The following THAP2 variants were observed in gnomAD, a reference collection of about 807,000 sequenced individuals.
The protein encoded by THAP2 is THAP domain-containing protein 2.
Under a neutral mutation model 18.8 loss-of-function variants are expected in THAP2, and 16 were observed. That is an observed-to-expected ratio of 0.85 (90% CI 0.58 to 1.29). THAP2 has a LOEUF of 1.29. Among genes scored for constraint, THAP2 ranks in the 50% most tolerant of loss-of-function variants. The pLI is 0.00. For missense variants in THAP2, 251 were observed against 265.3 expected (o/e 0.95, Z 0.38); for synonymous variants, 80 against 89.2 (o/e 0.90, Z 0.58).
chr12:71,664,880 A>G (rs1400240822), intron 1 of THAP2: 1 of 702,440 alleles, frequency 1.4e-6, no homozygotes, highest in South Asian at 1.5e-5. Flanking sequence ...CCGGGCCTTG[A>G]CATGAATGAC....
At chr12:71,670,053 G>T (rs1359434590) in intron 1 of THAP2, among the ~76,000 whole-genome samples, 1 of 152,112 alleles carries the variant, frequency 6.6e-6, no homozygotes, top group Non-Finnish European at 1.5e-5. Flanking sequence ...TCAGATCAGG[G>T]TACGTATAGG....
At position 71,678,928 on chromosome 12, in the gene THAP2, A is replaced by AT. The variant is rs1881561077; in HGVS notation, c.*1827dup. On this transcript the variant is annotated 3_prime_UTR_variant, in exon 3 of 3. Coordinates refer to ENST00000308086, the MANE Select transcript of THAP2 (RefSeq NM_031435.4). The stretch of plus-strand genomic sequence containing the variant: ...TCCTTGGAATTGTCATTACATATTT[A>AT]TTTTTTTCTAGTATGGTTTCAAATA... 1 of 152,088 alleles carries AT rather than the reference A, an allele frequency of 6.6e-6. No homozygotes were observed. The highest frequency in any genetic ancestry group is 2.1e-4 in the South Asian group (1 of 4,834). The allele number at this position is 152,088 out of a possible 1,614,324, so 9.4% of individuals were successfully genotyped here.
chr12:71,668,397 A>G (rs1370911004), intron 1 of THAP2, among the ~76,000 whole-genome samples: 1 of 152,154 alleles, frequency 6.6e-6, no homozygotes, highest in Non-Finnish European at 1.5e-5. Flanking sequence ...TGGGCTAAGC[A>G]TTTACTGACA....
At chr12:71,669,636 G>A (rs907979980) in intron 1 of THAP2, among the ~76,000 whole-genome samples, 1 of 152,102 alleles carries the variant, frequency 6.6e-6, no homozygotes, top group Admixed American at 6.6e-5. Context: ...ATTAAGAGGT[G>A]AGACTAGGCA....
rs531102396 is a variant in THAP2, at chr12:71,674,680, G to T, written c.267+282G>T. ...AAAACTGAAAAATCATATGAGTAAT[G>T]AAACCTCCAGCATCACTGTGCTCTG... On this transcript the variant is annotated intron_variant, in intron 2 of 2. Transcript: ENST00000308086. Among the ~76,000 whole-genome samples, 53 of 152,136 alleles carry T rather than the reference G, an allele frequency of 3.5e-4. 1 individual carries two copies. Among genetic ancestry groups the T allele is most frequent in the African/African-American group, 1.2e-3 (51 of 41,522 alleles).
chr12:71,676,610 T>C, intron 2 of THAP2, 79 bp from the exon 3 acceptor site: 1 of 1,438,184 alleles, frequency 7.0e-7, no homozygotes, highest in Non-Finnish European at 9.3e-7. Flanking sequence ...TTAAATACTG[T>C]TATCCAAAAC....
At chr12:71,672,904 T>C (rs923067090) in intron 1 of THAP2, among the ~76,000 whole-genome samples, 3 of 152,178 alleles carry the variant, frequency 2.0e-5, no homozygotes, top group African/African-American at 7.2e-5. Context: ...TCTGCCATGA[T>C]ACACAACTTA....
chr12:71,665,091 A>T lies in THAP2; in HGVS notation c.71+511A>T, dbSNP rs1430123549. ...AGCGATGTTAATTAAAGTGCAAAAG[A>T]TAACCTTTCTGTTCTTACTAGAATA... On this transcript the variant is annotated intron_variant, in intron 1 of 2. Transcript: ENST00000308086. The T allele has an allele frequency of 4.6e-6, 3 of 652,404 alleles. No homozygotes were observed. The Admixed American group carries it at 7.2e-5, about 16-fold the overall frequency. The allele number at this position is 652,404 out of a possible 1,614,324, so 40.4% of individuals were successfully genotyped here.
chr12:71,667,269 G>A (rs547357920), intron 1 of THAP2, among the ~76,000 whole-genome samples: 2 of 152,166 alleles, frequency 1.3e-5, no homozygotes, highest in East Asian at 3.9e-4. Context: ...TTTTTGGCCT[G>A]TCTTCAATCT....
chr12:71,664,695 A>T, intron 1 of THAP2, 115 bp downstream of exon 1: 2 of 1,174,100 alleles, frequency 1.7e-6, no homozygotes, highest in Non-Finnish European at 2.5e-6. Context: ...AGCTGGTAGC[A>T]GGGAAGCATC....
Position 71,676,958 on chromosome 12 carries a change from T to G in THAP2, c.537T>G (p.Asn179Lys). ...ATCLVKNLEA[N>K]SVLPKGTSEH... ...GTTTGGTAAAGAATTTAGAAGCAAA[T>G]AGTGTATTACCTAAAGGTACATCAG... The change falls in exon 3 of 3, where the codon AAT becomes AAG. Residue 179 changes from asparagine (N) to lysine (K), a missense_variant. Asn to Lys is a moderately conservative substitution (Grantham distance 94). Transcript: ENST00000308086. 1 of 1,613,732 alleles carries G rather than the reference T, an allele frequency of 6.2e-7. No individual in the cohort carries two copies. The highest frequency in any genetic ancestry group is 8.5e-7 in the Non-Finnish European group (1 of 1,179,712).
In THAP2 at chr12:71,680,208, TG is replaced by T. The variant is rs1325089627; in HGVS notation, c.*3101del. 4 of 152,228 alleles carry T rather than the reference TG, an allele frequency of 2.6e-5. No individual in the cohort carries two copies. Among genetic ancestry groups the T allele is most frequent in the Non-Finnish European group, 4.4e-5 (3 of 68,034 alleles). 9.4% of individuals were successfully genotyped at this position (152,228 alleles called of 1,614,324 possible). On this transcript the variant is annotated 3_prime_UTR_variant, in exon 3 of 3. Coordinates refer to ENST00000308086, the MANE Select transcript of THAP2 (RefSeq NM_031435.4). ...TATTTATTCATTCGGGCATTTACTG[TG>T]TGCCAACTTGCAAAAGGAATAGAAA...
intron 1 of THAP2, among the ~76,000 whole-genome samples, chr12:71,669,175 C>A (rs1881392154): frequency 6.6e-6 from 1 of 152,178 alleles, no homozygotes; most frequent in South Asian, 2.1e-4. Flanking sequence ...CAGTGAAAAA[C>A]ACAGCTCCTA....
At chr12:71,666,192 TGA>T (rs1321256990) in intron 1 of THAP2, among the ~76,000 whole-genome samples, 1 of 152,036 alleles carries the variant, frequency 6.6e-6, no homozygotes, top group Non-Finnish European at 1.5e-5. Flanking sequence ...ATTGGATAGA[TGA>T]GAGAGGGGAG....
intron 1 of THAP2, among the ~76,000 whole-genome samples, chr12:71,672,844 T>C (rs551429025): frequency 2.6e-5 from 4 of 152,310 alleles, no homozygotes; most frequent in Admixed American, 6.5e-5. Context: ...AGGTTTATGG[T>C]ATTGCACTAA....
chr12:71,677,255 A>T lies in THAP2; in HGVS notation c.*147A>T, dbSNP rs1001652717. ...TGTGAAGACTTGATTACAAAAGAAT[A>T]AAAAACTTCATATGGAAATTTTATT... On this transcript the variant is annotated 3_prime_UTR_variant, in exon 3 of 3. Transcript: ENST00000308086. 1.4e-6 allele frequency: 1 copy of T among 730,480 alleles called. No homozygotes were observed. Among genetic ancestry groups the T allele is most frequent in the African/African-American group, 1.8e-5 (1 of 54,878 alleles). The allele number at this position is 730,480 out of a possible 1,614,324, so 45.2% of individuals were successfully genotyped here.
intron 1 of THAP2, among the ~76,000 whole-genome samples, chr12:71,666,534 CAAAA>C (rs919071186): frequency 2.7e-5 from 4 of 149,442 alleles, no homozygotes; most frequent in South Asian, 2.1e-4. Flanking sequence ...AAAAACAAAA[CAAAA>C]AAAAAGAGAT....
rs539669153 is a variant in THAP2, at chr12:71,664,824, A to T, written c.71+244A>T. 8.5e-6 allele frequency: 6 copies of T among 704,576 alleles called. No homozygotes were observed. In the African/African-American group the frequency reaches 1.0e-4, roughly 12 times the overall value. 43.6% of individuals were successfully genotyped at this position (704,576 alleles called of 1,614,324 possible). On this transcript the variant is annotated intron_variant, in intron 1 of 2. Coordinates refer to ENST00000308086, the MANE Select transcript of THAP2 (RefSeq NM_031435.4). ...TCATTACCCCTTAGTAAAAAAAAGT[A>T]ACAGGAGGATATCGTAATTTTCTAC...
intron 1 of THAP2, among the ~76,000 whole-genome samples, chr12:71,671,275 A>G (rs984609764): frequency 6.6e-6 from 1 of 152,222 alleles, no homozygotes; most frequent in Non-Finnish European, 1.5e-5. Flanking sequence ...TCCATGTCAT[A>G]AAAGAAGTCA....
Sources: allele counts gnomAD v4.1 joint callset (sites outside exome capture counted in the v4.1 genomes callset), GRCh38; gene constraint gnomAD v4.1.1; transcripts MANE v1.5; gene names NCBI Gene and HGNC (gene_info 2026-07-23, HGNC 2026-07-21).